Variants in NHSL1 observed in about 807,000 individuals in gnomAD.
NHSL1 encodes NHS-like protein 1.
A neutral mutation model predicts 95.0 loss-of-function variants in NHSL1; 48 were observed. The ratio of observed to expected loss-of-function variants is 0.51; its 90% CI spans 0.40 to 0.64. The LOEUF is 0.64. Among genes scored for constraint, NHSL1 ranks in the 30% least tolerant of loss-of-function variants. The pLI, the probability that NHSL1 is intolerant of heterozygous loss-of-function variation, is 0.00. For synonymous variants in NHSL1, 783 were observed against 833.9 expected (o/e 0.94, Z 1.05); for missense variants, 1,971 against 2,077.7 (o/e 0.95, Z 1.00).
intron 1 of NHSL1, among the ~76,000 whole-genome samples, chr6:138,519,052 AC>A (rs1781569270): frequency 6.6e-6 from 1 of 151,792 alleles, no homozygotes; most frequent in African/African-American, 2.4e-5. Flanking sequence ...ATAAATAAAT[AC>A]ATACATACAT....
intron 1 of NHSL1, among the ~76,000 whole-genome samples, chr6:138,510,235 T>C (rs1781155568): frequency 6.6e-6 from 1 of 152,212 alleles, no homozygotes; most frequent in African/African-American, 2.4e-5. Context: ...TTGTTTCACA[T>C]ATGGTTAAGA....
At chr6:138,454,108 G>GC (rs1321374198) in intron 3 of NHSL1, among the ~76,000 whole-genome samples, 4 of 151,872 alleles carry the variant, frequency 2.6e-5, no homozygotes, top group Admixed American at 6.6e-5. Flanking sequence ...CTCCCTCCAT[G>GC]CCCCATCCCA....
chr6:138,570,091 C>A (rs1446499379), intron 1 of NHSL1, among the ~76,000 whole-genome samples: 1 of 152,208 alleles, frequency 6.6e-6, no homozygotes, highest in Non-Finnish European at 1.5e-5. Context: ...TATTTCCCAA[C>A]TAAAACTAAT....
At chr6:138,499,703 C>T (rs1047455258), upstream of NHSL1, among the ~76,000 whole-genome samples, 8 of 152,260 alleles carry the variant, frequency 5.3e-5, no homozygotes, top group South Asian at 2.1e-4. Flanking sequence ...CTTTCCTCTA[C>T]GGAAGTCAAG....
intron 1 of NHSL1, among the ~76,000 whole-genome samples, chr6:138,613,385 T>C (rs1201034434): frequency 3.3e-5 from 5 of 152,160 alleles, no homozygotes; most frequent in South Asian, 4.1e-4. Context: ...CCACCACAGA[T>C]GGGAAACACC....
intron 1 of NHSL1, among the ~76,000 whole-genome samples, chr6:138,631,411 C>T (rs1165314035): frequency 1.3e-5 from 2 of 152,140 alleles, no homozygotes; most frequent in Admixed American, 6.5e-5. Flanking sequence ...TTACCCTTCC[C>T]CTAATGCCAG....
upstream of NHSL1, among the ~76,000 whole-genome samples, chr6:138,501,443 G>A (rs770190424): frequency 1.3e-5 from 2 of 152,186 alleles, no homozygotes; most frequent in Admixed American, 6.5e-5. Flanking sequence ...GGGTTTGAGG[G>A]TGGCCAGGCT....
intron 3 of NHSL1, among the ~76,000 whole-genome samples, chr6:138,461,771 A>AG (rs1372079505): frequency 6.6e-6 from 1 of 152,202 alleles, no homozygotes; most frequent in African/African-American, 2.4e-5. Context: ...TAGAAATTTG[A>AG]GGGGGATGAA....
rs1365690494 is a variant in NHSL1, at chr6:138,626,631, CGCCTG to C, written c.96+65840_96+65844del. On this transcript the variant is annotated intron_variant, in intron 1 of 3. Coordinates refer to the NHSL1 transcript ENST00000491526. ...ATTGTAGGCCGGGCGCGGTGGCTCA[CGCCTG>C]TAATCCCAGCACTTTGGGAGGCCGA... Among the ~76,000 whole-genome samples the C allele has an allele frequency of 1.4e-4, 11 of 78,712 alleles. 2 individuals are homozygous for C. Among genetic ancestry groups the C allele is most frequent in the Admixed American group, 2.4e-4 (2 of 8,296 alleles). 51.6% of individuals were successfully genotyped at this position (78,712 alleles called of 152,430 possible). A position where few individuals can be genotyped will look rare whatever the true frequency, so the allele number is the denominator to read the frequency against.
At chr6:138,441,634 T>A (rs1385072911) in intron 5 of NHSL1, among the ~76,000 whole-genome samples, 12 of 152,224 alleles carry the variant, frequency 7.9e-5, no homozygotes, top group Admixed American at 7.8e-4. Context: ...GACTTCTGTT[T>A]CATGAAAACT....
chr6:138,451,910 C>T (rs1481046565), intron 3 of NHSL1, among the ~76,000 whole-genome samples: 2 of 152,184 alleles, frequency 1.3e-5, no homozygotes, highest in African/African-American at 4.8e-5. Context: ...TGTGTACCAG[C>T]ATCCTGGCAC....
At chr6:138,479,026 A>G (rs773843657) in intron 2 of NHSL1, among the ~76,000 whole-genome samples, 9 of 152,182 alleles carry the variant, frequency 5.9e-5, no homozygotes, top group East Asian at 1.9e-4. Flanking sequence ...TTCTTTAGTC[A>G]TTCAATTTTT....
chr6:138,448,502 C>T (rs1277548700), intron 3 of NHSL1, among the ~76,000 whole-genome samples: 2 of 152,174 alleles, frequency 1.3e-5, no homozygotes, highest in Non-Finnish European at 2.9e-5. Context: ...CAGTTCAATA[C>T]ACCCGCTACC....
intron 2 of NHSL1, among the ~76,000 whole-genome samples, chr6:138,486,374 A>C (rs1416920815): frequency 6.6e-6 from 1 of 152,082 alleles, no homozygotes; most frequent in African/African-American, 2.4e-5. Context: ...CTGGCTTCTT[A>C]ATCTAAAGAC....
In NHSL1 at chr6:138,597,598, A is replaced by G. The variant is rs9495147; in HGVS notation, c.96+94878T>C. ...AATTGTTCACCATTTCTGAAAAATC[A>G]TATCACTGACCACCTAACCGCTTGT... On this transcript the variant is annotated intron_variant, in intron 1 of 3. Transcript: ENST00000491526. 8.3e-3 allele frequency among the ~76,000 whole-genome samples: 1,257 copies of G among 152,328 alleles called. 24 individuals are homozygous for G. The highest frequency in any genetic ancestry group is 0.028 in the African/African-American group (1,174 of 41,568).
intron 2 of NHSL1, among the ~76,000 whole-genome samples, chr6:138,485,685 A>G (rs1583281999): frequency 1.3e-5 from 2 of 152,168 alleles, no homozygotes. Context: ...CTTTTTGTAT[A>G]TAATTCCCAT....
At chr6:138,465,447 T>C (rs1035471354) in intron 3 of NHSL1, among the ~76,000 whole-genome samples, 1 of 152,168 alleles carries the variant, frequency 6.6e-6, no homozygotes, top group Admixed American at 6.5e-5. Flanking sequence ...CTCAGTGCCG[T>C]TTTGCCTGTT....
At chr6:138,656,934 A>T (rs115073147) in intron 1 of NHSL1, among the ~76,000 whole-genome samples, 6,072 of 152,244 alleles carry the variant, frequency 0.04, 309 homozygotes, top group African/African-American at 0.12. Context: ...CATTACACAT[A>T]CGCAACTTTG....
chr6:138,643,069 A>T (rs1220492029), intron 1 of NHSL1, among the ~76,000 whole-genome samples: 1 of 152,202 alleles, frequency 6.6e-6, no homozygotes. Context: ...TGTTTTAAAG[A>T]AAACAGATCA....
Sources: allele counts gnomAD v4.1 joint callset (sites outside exome capture counted in the v4.1 genomes callset), GRCh38; gene constraint gnomAD v4.1.1; transcripts MANE v1.5; gene names NCBI Gene and HGNC (gene_info 2026-07-23, HGNC 2026-07-21).